Variants in PPFIBP1 observed in about 807,000 individuals in gnomAD.
The protein encoded by PPFIBP1 is PPFIB scaffold protein 1.
Under a neutral mutation model 137.8 loss-of-function variants are expected in PPFIBP1, and 112 were observed. The ratio of observed to expected loss-of-function variants is 0.81; its 90% CI spans 0.70 to 0.95. PPFIBP1 has a LOEUF of 0.95. Among genes scored for constraint, PPFIBP1 ranks in the 40% least tolerant of loss-of-function variants. The probability of loss-of-function intolerance (pLI) is 0.00; values close to 1 mark genes in which losing one functional copy is unlikely to be tolerated. For missense variants in PPFIBP1, 1,083 were observed against 1,196.6 expected (o/e 0.91, Z 1.40); for synonymous variants, 378 against 417.3 (o/e 0.91, Z 1.15).
intron 2 of PPFIBP1, among the ~76,000 whole-genome samples, chr12:27,596,378 A>T (rs978896338): frequency 3.3e-5 from 5 of 152,210 alleles, no homozygotes; most frequent in Non-Finnish European, 5.9e-5. Context: ...AAAGAAGCAG[A>T]TTCTACTACC....
chr12:27,536,924 C>G (rs548370244), intron 1 of PPFIBP1, among the ~76,000 whole-genome samples: 8 of 152,224 alleles, frequency 5.3e-5, no homozygotes, highest in Non-Finnish European at 8.8e-5. Flanking sequence ...AACGTCTCAG[C>G]TTCATTATTA....
chr12:27,525,665 A>G (rs951839829), intron 1 of PPFIBP1, among the ~76,000 whole-genome samples: 1 of 152,102 alleles, frequency 6.6e-6, no homozygotes, highest in African/African-American at 2.4e-5. Context: ...CAAAATCCGT[A>G]TCCCAGGCCC....
chr12:27,683,804 T>C (rs915401126), intron 24 of PPFIBP1, among the ~76,000 whole-genome samples: 5 of 152,114 alleles, frequency 3.3e-5, no homozygotes, highest in African/African-American at 4.8e-5. Context: ...TTATTTTATT[T>C]TGAGACGGAG....
intron 2 of PPFIBP1, among the ~76,000 whole-genome samples, chr12:27,605,779 G>A (rs2054466660): frequency 6.6e-6 from 1 of 152,152 alleles, no homozygotes; most frequent in African/African-American, 2.4e-5. Flanking sequence ...GTCTTAAAGA[G>A]TGACTTTTAT....
chr12:27,680,096 T>C, intron 21 of PPFIBP1, 35 bp downstream of exon 21: 2 of 1,610,478 alleles, frequency 1.2e-6, no homozygotes, highest in Non-Finnish European at 1.7e-6. Flanking sequence ...TTTGCATCTC[T>C]ACCAAGCATC....
intron 2 of PPFIBP1, among the ~76,000 whole-genome samples, chr12:27,582,535 T>C (rs1264334337): frequency 6.6e-6 from 1 of 152,200 alleles, no homozygotes; most frequent in African/African-American, 2.4e-5. Context: ...TTAAATCTAT[T>C]ATTTAGCAGT....
At chr12:27,668,885 A>C (rs1168540980) in intron 13 of PPFIBP1, among the ~76,000 whole-genome samples, 2 of 152,108 alleles carry the variant, frequency 1.3e-5, no homozygotes, top group African/African-American at 4.8e-5. Context: ...AGGTCTTAGC[A>C]AAGGGTTTTA....
intron 2 of PPFIBP1, chr12:27,592,726 C>A: frequency 9.2e-7 from 1 of 1,085,224 alleles, no homozygotes; most frequent in Non-Finnish European, 1.4e-6. Context: ...TGTCCTTTGG[C>A]TGGCAGTTGC....
chr12:27,688,919 T>G (rs1271028636), intron 26 of PPFIBP1, 96 bp from the exon 27 acceptor site: 15 of 1,215,770 alleles, frequency 1.2e-5, no homozygotes, highest in Non-Finnish European at 1.7e-5. Context: ...TCATTGGAGA[T>G]AACCTAAGAG....
chr12:27,568,085 A>G (rs2049835915), intron 1 of PPFIBP1, among the ~76,000 whole-genome samples: 1 of 152,164 alleles, frequency 6.6e-6, no homozygotes, highest in East Asian at 1.9e-4. Context: ...TTTGCCTTTA[A>G]TCTAACTCAT....
At chr12:27,675,244 G>C (rs1319618406) in intron 17 of PPFIBP1, among the ~76,000 whole-genome samples, 1 of 152,160 alleles carries the variant, frequency 6.6e-6, no homozygotes, top group Non-Finnish European at 1.5e-5. Flanking sequence ...TGAGTCATAT[G>C]TGGATAGAAT....
intron 24 of PPFIBP1, 141 bp downstream of exon 24, chr12:27,682,844 G>A: frequency 1.4e-6 from 2 of 1,385,754 alleles, no homozygotes; most frequent in Non-Finnish European, 1.9e-6. Flanking sequence ...AGAGTGGCAG[G>A]CATATTTCCC....
chr12:27,638,368 T>C (rs1269970739), intron 4 of PPFIBP1, among the ~76,000 whole-genome samples: 1 of 152,198 alleles, frequency 6.6e-6, no homozygotes, highest in Non-Finnish European at 1.5e-5. Flanking sequence ...AAGCAGTGAA[T>C]GATAAGGCAG....
intron 9 of PPFIBP1, among the ~76,000 whole-genome samples, chr12:27,657,859 G>A (rs2059305700): frequency 6.6e-6 from 1 of 152,138 alleles, no homozygotes; most frequent in African/African-American, 2.4e-5. Context: ...TGTAATTCCA[G>A]TACTTTGGAA....
In PPFIBP1 at chr12:27,692,862, G is replaced by C. The variant is rs779606065; in HGVS notation, c.2998G>C (p.Asp1000His). ...CCGTTCCCCCAGTGCCAGCATTACA[G>C]ATGAAGACTCAAACGTTTGACCGTA... ...AARSPSASITDEDSNV is the reference protein window; with the variant it reads ...AARSPSASITHEDSNV Residue 1000 changes from aspartate (D) to histidine (H), a missense_variant, in exon 30 of 30, where the codon GAT becomes CAT. Transcript: ENST00000228425. 7 of 1,614,012 alleles carry C rather than the reference G, an allele frequency of 4.3e-6. No individual in the cohort carries two copies. The Admixed American group carries it at 5.0e-5, about 12-fold the overall frequency.
chr12:27,688,372 G>A lies in PPFIBP1; in HGVS notation c.2445G>A (p.Leu815=). The part of the protein sequence containing the change: ...RVMEWLRSVD[L]AEYAPNLRGS... Reference sequence around the variant, plus strand: ...TGGAGTGGCTGCGCTCCGTGGACTTGGCAGAATATGCGCCCAATCTCAGAG... The same window carrying A: ...TGGAGTGGCTGCGCTCCGTGGACTTAGCAGAATATGCGCCCAATCTCAGAG... Residue 815 remains leucine (L), a synonymous_variant, in exon 26 of 30, where the codon TTG becomes TTA. Coordinates refer to ENST00000228425, the MANE Select transcript of PPFIBP1 (RefSeq NM_003622.4). 1 of 1,614,154 alleles carries A rather than the reference G, an allele frequency of 6.2e-7. No homozygotes were observed. The highest frequency in any genetic ancestry group is 8.5e-7 in the Non-Finnish European group (1 of 1,180,016).
intron 2 of PPFIBP1, among the ~76,000 whole-genome samples, chr12:27,596,304 G>A (rs1237415540): frequency 2.6e-5 from 4 of 152,030 alleles, no homozygotes; most frequent in Non-Finnish European, 5.9e-5. Flanking sequence ...CGTTTGTTCT[G>A]TTAAATAAGA....
At chr12:27,633,495 A>G (rs779752736) in intron 3 of PPFIBP1, 35 bp downstream of exon 3, 1 of 1,569,592 alleles carries the variant, frequency 6.4e-7, no homozygotes, top group Admixed American at 1.8e-5. Context: ...GAATCACAAC[A>G]TTTACTCTCC....
intron 1 of PPFIBP1, among the ~76,000 whole-genome samples, chr12:27,538,844 G>A (rs1945339170): frequency 6.6e-6 from 1 of 152,176 alleles, no homozygotes; most frequent in South Asian, 2.1e-4. Flanking sequence ...GTCAAATAGG[G>A]GCAGTAATAC....
Sources: allele counts gnomAD v4.1 joint callset (sites outside exome capture counted in the v4.1 genomes callset), GRCh38; gene constraint gnomAD v4.1.1; transcripts MANE v1.5; gene names NCBI Gene and HGNC (gene_info 2026-07-23, HGNC 2026-07-21).